Variants in SLC22A2 observed in about 807,000 individuals in gnomAD.
SLC22A2 encodes solute carrier family 22 member 2, also known as organic cation transporter 2.
SLC22A2 carries 46 observed loss-of-function variants against 60.5 expected under a neutral mutation model. That is an observed-to-expected ratio of 0.76 (90% CI 0.60 to 0.97). The LOEUF is 0.97. SLC22A2 is among the 50% of genes least tolerant of loss of function. The pLI, the probability that SLC22A2 is intolerant of heterozygous loss-of-function variation, is 0.00. For synonymous variants in SLC22A2, 303 were observed against 267.0 expected (o/e 1.13, Z -1.31); for missense variants, 701 against 706.6 (o/e 0.99, Z 0.09).
rs1783050258 is a variant in SLC22A2, at chr6:160,243,798, G to A, written c.1065-12C>T. 3.8e-6 allele frequency: 6 copies of A among 1,596,560 alleles called. No individual in the cohort carries two copies. The highest frequency in any genetic ancestry group is 2.0e-4 in the Middle Eastern group (1 of 5,120). On this transcript the variant is annotated splice_polypyrimidine_tract_variant and intron_variant, in intron 6 of 10. Coordinates refer to ENST00000366953, the MANE Select transcript of SLC22A2 (RefSeq NM_003058.4). ...CAGAGCTCGTGAACCTGAGCAAAGA[G>A]GAGAGTTCAGGTCAAGTCAAGCACC...
At chr6:160,229,377 C>T (rs1782780320) in intron 9 of SLC22A2, among the ~76,000 whole-genome samples, 1 of 151,962 alleles carries the variant, frequency 6.6e-6, no homozygotes, top group African/African-American at 2.4e-5. Context: ...CAGCACCAGT[C>T]ACGGACTTGG....
chr6:160,225,025 C>T (rs181227751), intron 9 of SLC22A2, among the ~76,000 whole-genome samples: 22 of 152,234 alleles, frequency 1.4e-4, no homozygotes, highest in African/African-American at 5.1e-4. Flanking sequence ...AAATACTTAA[C>T]ATTTTGAGTC....
rs1194487021 is a variant in SLC22A2, at chr6:160,258,437, CA to C, written c.320del (p.Leu107ArgfsTer50). 9 of 1,614,120 alleles carry C rather than the reference CA, an allele frequency of 5.6e-6. No homozygotes were observed. Among genetic ancestry groups the C allele is most frequent in the Non-Finnish European group, 7.6e-6 (9 of 1,180,020 alleles). On this transcript the variant is annotated frameshift_variant, in exon 1 of 11. Coordinates refer to ENST00000366953, the MANE Select transcript of SLC22A2 (RefSeq NM_003058.4). LOFTEE classifies it high-confidence loss of function. ...GGCTCCTGTTGGTGTCCAGGCTGGC[CA>C]GGGGGTCCACGCAGTCGAAGGTGCT... ...NQSTFDCVDP[L>X]ASLDTNRSRL...
chr6:160,245,406 T>C (rs1343020066), intron 6 of SLC22A2, 33 bp downstream of exon 6: 7 of 1,203,602 alleles, frequency 5.8e-6, no homozygotes, highest in Non-Finnish European at 8.5e-6. Context: ...TAAAACAATT[T>C]GGAGGCATTT....
intron 9 of SLC22A2, among the ~76,000 whole-genome samples, chr6:160,226,307 A>G (rs1190603867): frequency 6.6e-6 from 1 of 152,042 alleles, no homozygotes; most frequent in Non-Finnish European, 1.5e-5. Context: ...TTGCTCCCCA[A>G]ATGCTCAGGA....
At chr6:160,219,603 T>G (rs1463818019) in intron 10 of SLC22A2, among the ~76,000 whole-genome samples, 5 of 133,124 alleles carry the variant, frequency 3.8e-5, no homozygotes, top group African/African-American at 1.9e-4. Flanking sequence ...CTGGCCTGTT[T>G]TTTTTTTTTT....
chr6:160,240,667 T>A (rs1782984012), intron 9 of SLC22A2, among the ~76,000 whole-genome samples: 2 of 152,172 alleles, frequency 1.3e-5, no homozygotes, highest in African/African-American at 4.8e-5. Context: ...CTGAGATTTT[T>A]AAATTTCCTT....
At position 160,253,176 on chromosome 6, in the gene SLC22A2, G is replaced by C. The variant is rs568092790; in HGVS notation, c.519-2474C>G. Among the ~76,000 whole-genome samples the C allele has an allele frequency of 1.9e-3, 284 of 152,364 alleles. 2 individuals are homozygous for C. The highest frequency in any genetic ancestry group is 3.4e-3 in the Middle Eastern group (1 of 294). ...CAGCAGCACCTCTGTTCCTTGTGGA[G>C]CAGGGATATTCCATAGGCAGTGTGC... On this transcript the variant is annotated intron_variant, in intron 2 of 10. Transcript: ENST00000366953.
intron 2 of SLC22A2, among the ~76,000 whole-genome samples, chr6:160,252,378 C>A (rs1439822221): frequency 6.6e-6 from 1 of 152,206 alleles, no homozygotes; most frequent in East Asian, 1.9e-4. Flanking sequence ...TATTCATCAT[C>A]TGAAACTCAG....
chr6:160,242,437 A>AGATG (rs1562435525), intron 7 of SLC22A2, 35 bp from the exon 8 acceptor site: 1 of 1,138,428 alleles, frequency 8.8e-7, no homozygotes, highest in South Asian at 1.2e-5. Context: ...ATCCGTACAC[A>AGATG]GATGATTCCT....
chr6:160,234,317 G>C (rs1165883011), intron 9 of SLC22A2, among the ~76,000 whole-genome samples: 1 of 152,158 alleles, frequency 6.6e-6, no homozygotes, highest in Non-Finnish European at 1.5e-5. Context: ...ACACGGACAC[G>C]AGTGAAAGTT....
At chr6:160,231,911 C>G (rs991167827) in intron 9 of SLC22A2, among the ~76,000 whole-genome samples, 12 of 151,992 alleles carry the variant, frequency 7.9e-5, no homozygotes, top group Admixed American at 7.9e-4. Context: ...TATACAAGGA[C>G]CAGGACTGCG....
rs762784077 is a variant in SLC22A2 at position 160,242,373 on chromosome 6, A to G, written c.1309T>C (p.Cys437Arg). 12 of 1,605,994 alleles carry G rather than the reference A, an allele frequency of 7.5e-6. No individual in the cohort carries two copies. Among genetic ancestry groups the G allele is most frequent in the Non-Finnish European group, 1.0e-5 (12 of 1,172,626 alleles). ...ATTGTGATCCCCATTCTTCCCAAGC[A>G]TGAGATAATAATTTTTAGCCATTGT... is the stretch of plus-strand genomic sequence containing the variant. Reference protein sequence around the residue: ...DLQWLKIIISCLGRMGITMAY... With the variant: ...DLQWLKIIISRLGRMGITMAY... Residue 437 changes from cysteine (C) to arginine (R), a missense_variant, in exon 8 of 11, where the codon TGC becomes CGC. Physicochemically the swap from Cys to Arg is radical, Grantham distance 180. Coordinates refer to ENST00000366953, the MANE Select transcript of SLC22A2 (RefSeq NM_003058.4).
intron 9 of SLC22A2, among the ~76,000 whole-genome samples, chr6:160,226,670 G>A (rs568518580): frequency 3.9e-5 from 6 of 152,200 alleles, no homozygotes; most frequent in East Asian, 1.9e-4. Flanking sequence ...CCTGATTCTC[G>A]AATCATTCTT....
At chr6:160,253,435 A>G (rs1418054996) in intron 2 of SLC22A2, among the ~76,000 whole-genome samples, 1 of 152,150 alleles carries the variant, frequency 6.6e-6, no homozygotes, top group Non-Finnish European at 1.5e-5. Context: ...GTAAACCGAC[A>G]TGGTGCACTG....
At chr6:160,249,528 T>A (rs1783150928) in intron 3 of SLC22A2, 144 bp from the exon 4 acceptor site, 2 of 672,596 alleles carry the variant, frequency 3.0e-6, no homozygotes, top group Middle Eastern at 2.9e-4. Flanking sequence ...TTTTAAGTGT[T>A]TTTTGGTTTT....
In SLC22A2 at chr6:160,219,881, A is replaced by T. The variant is rs73600488; in HGVS notation, c.1602-2383T>A. On this transcript the variant is annotated intron_variant, in intron 10 of 10. Transcript: ENST00000366953. ...GTAATTTAAAAATACTTTATTTTTT[A>T]AAAATGCTAACAATCATCTGAACCT... is the stretch of plus-strand genomic sequence containing the variant. 5.2e-3 allele frequency among the ~76,000 whole-genome samples: 793 copies of T among 152,332 alleles called. 8 individuals carry two copies. Among genetic ancestry groups the T allele is most frequent in the African/African-American group, 0.018 (755 of 41,566 alleles).
In SLC22A2 at chr6:160,226,201, C is replaced by T. The variant is rs73602417; in HGVS notation, c.1502-1397G>A. ...TGGCCCCCAGCAAGGACTGACTCAG[C>T]GCAAGACAGCTTTGACTCCCTATGA... On this transcript the variant is annotated intron_variant, in intron 9 of 10. Transcript: ENST00000366953. Among the ~76,000 whole-genome samples, 256 of 152,272 alleles carry T rather than the reference C, an allele frequency of 1.7e-3. 1 individual carries two copies. The highest frequency in any genetic ancestry group is 5.1e-3 in the African/African-American group (212 of 41,560).
chr6:160,217,351 T>A lies in SLC22A2; in HGVS notation c.*81A>T. On this transcript the variant is annotated 3_prime_UTR_variant, in exon 11 of 11. Transcript: ENST00000366953. ...GTAAGTTTGGTTGAGTTGTATGGGC[T>A]TTGTGATGAGTGCAGGGATTTCTAC... The A allele has an allele frequency of 1.2e-6, 1 of 858,932 alleles. No homozygotes were observed. Among genetic ancestry groups the A allele is most frequent in the South Asian group, 1.6e-5 (1 of 61,750 alleles). 53.2% of individuals were successfully genotyped at this position (858,932 alleles called of 1,614,324 possible).
Sources: gnomAD v4.1 joint callset for allele counts (sites outside exome capture counted in the v4.1 genomes callset) on GRCh38, gnomAD v4.1.1 for gene constraint, MANE v1.5 for transcripts, NCBI Gene and HGNC (gene_info 2026-07-23, HGNC 2026-07-21) for gene names.